The following ABCA1 variants were observed in gnomAD, a reference collection of about 807,000 sequenced individuals.
ABCA1 encodes the protein ATP binding cassette subfamily A member 1, also known as phospholipid-transporting ATPase ABCA1.
In ABCA1, 133 loss-of-function variants were observed where a neutral mutation model predicts 262.5. The observed-to-expected ratio is 0.51, with a 90% CI of 0.44 to 0.59. The LOEUF (loss-of-function observed/expected upper bound fraction) is 0.59. Among genes scored for constraint, ABCA1 ranks in the 20% least tolerant of loss-of-function variants. The probability of loss-of-function intolerance (pLI) is 0.00; values close to 1 mark genes in which losing one functional copy is unlikely to be tolerated. For missense variants in ABCA1, 2,452 were observed against 2,777.5 expected (o/e 0.88, Z 2.63); for synonymous variants, 1,022 against 1,043.5 (o/e 0.98, Z 0.40).
At chr9:104,899,239 G>A (rs751923533) in intron 2 of ABCA1, among the ~76,000 whole-genome samples, 11 of 152,168 alleles carry the variant, frequency 7.2e-5, no homozygotes, top group African/African-American at 9.7e-5. Flanking sequence ...CACTGCTGCC[G>A]GCCCAGGAGT....
chr9:104,822,946 C>T (rs1016349759), intron 18 of ABCA1, among the ~76,000 whole-genome samples: 3 of 151,690 alleles, frequency 2.0e-5, no homozygotes, highest in Non-Finnish European at 2.9e-5. Context: ...TTAAAAAATA[C>T]ATCTAAAAAT....
intron 9 of ABCA1, among the ~76,000 whole-genome samples, chr9:104,838,285 A>T: frequency 7.3e-6 from 1 of 137,894 alleles, no homozygotes; most frequent in Non-Finnish European, 1.6e-5. Context: ...CCCGGGCAAC[A>T]AGAGCGAAAC....
Position 104,865,883 on chromosome 9 carries a change from C to T in ABCA1, c.422-4083G>A, listed in dbSNP as rs961090875. Among the ~76,000 whole-genome samples the T allele has an allele frequency of 1.3e-5, 2 of 152,122 alleles. 1 individual carries two copies. Among genetic ancestry groups the T allele is most frequent in the South Asian group, 4.1e-4 (2 of 4,820 alleles). On this transcript the variant is annotated intron_variant, in intron 5 of 49. Coordinates refer to ENST00000374736, the MANE Select transcript of ABCA1 (RefSeq NM_005502.4). ...AAGATGGGGACACAGTCCCTGCCTT[C>T]GAGGAACTTTCAAGGCTGAAAGGGG...
At chr9:104,812,438 G>A in intron 28 of ABCA1, 136 bp downstream of exon 28, 1 of 1,157,144 alleles carries the variant, frequency 8.6e-7, no homozygotes, top group Non-Finnish European at 1.3e-6. Flanking sequence ...GCAAGGAATA[G>A]AACTGGGATT....
chr9:104,850,222 A>G (rs1400402390), intron 7 of ABCA1, among the ~76,000 whole-genome samples: 4 of 152,160 alleles, frequency 2.6e-5, no homozygotes, highest in African/African-American at 9.7e-5. Flanking sequence ...CCTGGGTTCA[A>G]GCAATTCTCC....
chr9:104,797,390 A>C (rs1349091225), intron 37 of ABCA1, among the ~76,000 whole-genome samples: 2 of 152,246 alleles, frequency 1.3e-5, no homozygotes, highest in Admixed American at 1.3e-4. Flanking sequence ...TTTCACAATC[A>C]TTTGTGTGAA....
In ABCA1 at chr9:104,818,808, T is replaced by C. The variant is rs1164745681; in HGVS notation, c.3317A>G (p.His1106Arg). Residue 1106 changes from histidine (H) to arginine (R), a missense_variant, in exon 23 of 50, where the codon CAT (histidine) becomes CGT (arginine). By Grantham distance (29) the His-to-Arg change is conservative. Coordinates refer to ENST00000374736, the MANE Select transcript of ABCA1 (RefSeq NM_005502.4). Reference sequence around the variant, plus strand: ...GGAGCCCACACAGCACAGCTTCCCATGGGAGATGATGGCAATCCTGTCCCC... The same window carrying C: ...GGAGCCCACACAGCACAGCTTCCCACGGGAGATGATGGCAATCCTGTCCCC... ...VLGDRIAIIS[H>R]GKLCCVGSSL... 1.2e-6 allele frequency: 2 copies of C among 1,613,936 alleles called. No individual in the cohort carries two copies. The highest frequency in any genetic ancestry group is 1.7e-6 in the Non-Finnish European group (2 of 1,180,036).
intron 1 of ABCA1, among the ~76,000 whole-genome samples, chr9:104,908,313 A>C (rs1841293995): frequency 6.6e-6 from 1 of 152,222 alleles, no homozygotes; most frequent in African/African-American, 2.4e-5. Flanking sequence ...TAGAAGCCTT[A>C]TACAGAATAG....
At chr9:104,865,720 A>C (rs530466460) in intron 5 of ABCA1, among the ~76,000 whole-genome samples, 15 of 152,316 alleles carry the variant, frequency 9.8e-5, no homozygotes, top group African/African-American at 3.6e-4. Flanking sequence ...AAGTGAAGGT[A>C]ATAGTATCCA....
intron 5 of ABCA1, among the ~76,000 whole-genome samples, chr9:104,867,255 T>C (rs1837179216): frequency 6.6e-6 from 1 of 152,130 alleles, no homozygotes; most frequent in Non-Finnish European, 1.5e-5. Flanking sequence ...GCTGAGTTGA[T>C]TAAATGATAA....
chr9:104,881,113 C>T (rs1488468971), intron 5 of ABCA1, among the ~76,000 whole-genome samples: 1 of 152,132 alleles, frequency 6.6e-6, no homozygotes, highest in East Asian at 1.9e-4. Context: ...TGCGCCACTG[C>T]ACTCCAGCCT....
In ABCA1 at chr9:104,784,546, T is replaced by A; in HGVS notation, c.6646-91A>T. On this transcript the variant is annotated intron_variant, in intron 49 of 49. Transcript: ENST00000374736. ...TATTTTTCCAGATGTTGAAATTAGG[T>A]CAAGTAGGAGCATACAGAATTACAT... The A allele has an allele frequency of 2.7e-6, 4 of 1,478,716 alleles. No individual in the cohort carries two copies. The South Asian group carries it at 3.5e-5, about 13-fold the overall frequency. The allele number at this position is 1,478,716 out of a possible 1,614,324, so 91.6% of individuals were successfully genotyped here.
At chr9:104,789,799 A>G (rs1345795323) in intron 44 of ABCA1, among the ~76,000 whole-genome samples, 2 of 152,172 alleles carry the variant, frequency 1.3e-5, no homozygotes, top group Admixed American at 6.5e-5. Context: ...TCTCCACATA[A>G]TAAGTCCAGA....
At chr9:104,912,322 C>A (rs532010735) in intron 1 of ABCA1, among the ~76,000 whole-genome samples, 9 of 152,132 alleles carry the variant, frequency 5.9e-5, no homozygotes, top group Non-Finnish European at 1.2e-4. Context: ...TCGCTTGAGC[C>A]CAGGAGTTTG....
In ABCA1 at chr9:104,827,260, T is replaced by C; in HGVS notation, c.2116-91A>G. 5 of 1,095,128 alleles carry C rather than the reference T, an allele frequency of 4.6e-6. No individual in the cohort carries two copies. The East Asian group carries it at 1.0e-4, about 22-fold the overall frequency. The allele number at this position is 1,095,128 out of a possible 1,614,324, so 67.8% of individuals were successfully genotyped here. A position where few individuals can be genotyped will look rare whatever the true frequency, so the allele number is the denominator to read the frequency against. On this transcript the variant is annotated intron_variant, in intron 15 of 49. Transcript: ENST00000374736. Reference sequence around the variant, plus strand: ...ACAGAAAAAAGACAGGGTTTATTCCTACTCATGTTAGAGACAATGCAGAGG... The same window carrying C: ...ACAGAAAAAAGACAGGGTTTATTCCCACTCATGTTAGAGACAATGCAGAGG...
chr9:104,806,275 C>A lies in ABCA1; in HGVS notation c.4430G>T (p.Cys1477Phe). 9 of 1,613,758 alleles carry A rather than the reference C, an allele frequency of 5.6e-6. No individual in the cohort carries two copies. The highest frequency in any genetic ancestry group is 7.6e-6 in the Non-Finnish European group (9 of 1,180,032). The change falls in exon 31 of 50, where the codon TGT (cysteine) becomes TTT (phenylalanine). Residue 1477 changes from cysteine to phenylalanine, a missense_variant. Coordinates refer to ENST00000374736, the MANE Select transcript of ABCA1 (RefSeq NM_005502.4). The part of the protein sequence containing the change: ...SDKIKKMLPV[C>F]PPGAGGLPPP... ...AGGCAGCCCCCCTGCCCCTGGGGGACACACAGGCAGCATCTTCTTGATTTT... is the reference window on the plus strand; with the variant it reads ...AGGCAGCCCCCCTGCCCCTGGGGGAAACACAGGCAGCATCTTCTTGATTTT...
intron 8 of ABCA1, 106 bp downstream of exon 8, chr9:104,845,371 C>T (rs1834770350): frequency 1.3e-6 from 1 of 763,258 alleles, no homozygotes; most frequent in Admixed American, 2.0e-5. Context: ...ATTGATATTA[C>T]ATCCCATGTG....
rs750788080 is a variant in ABCA1, at chr9:104,840,349, G to A, written c.984C>T (p.Asn328=). 3 of 1,614,186 alleles carry A rather than the reference G, an allele frequency of 1.9e-6. No homozygotes were observed. The highest frequency in any genetic ancestry group is 3.3e-5 in the Admixed American group (2 of 60,030). The change falls in exon 9 of 50, where the codon AAC becomes AAT. Residue 328 remains asparagine, a synonymous_variant. Coordinates refer to ENST00000374736, the MANE Select transcript of ABCA1 (RefSeq NM_005502.4). ...TGCCTCCAAAGAGGGCTTTGTAGTT[G>A]TTGTCCTCATACCAGTTGAGAGACT... The part of the protein sequence containing the change: ...KIKSLNWYED[N]NYKALFGGNG...
At position 104,818,942 on chromosome 9, in the gene ABCA1, A is replaced by G. The variant is rs539899580; in HGVS notation, c.3242-59T>C. On this transcript the variant is annotated intron_variant, in intron 22 of 49. Transcript: ENST00000374736. Reference sequence around the variant, plus strand: ...TGAGGCCTCTCAGTTCTGATTTGTCACAGTGACAGGGACTAGAGAGATATT... The same window carrying G: ...TGAGGCCTCTCAGTTCTGATTTGTCGCAGTGACAGGGACTAGAGAGATATT... 44 of 1,469,198 alleles carry G rather than the reference A, an allele frequency of 3.0e-5. No homozygotes were observed. The South Asian group carries it at 5.1e-4, about 17-fold the overall frequency. 91.0% of individuals were successfully genotyped at this position (1,469,198 alleles called of 1,614,324 possible).
Sources: gnomAD v4.1 joint callset for allele counts (sites outside exome capture counted in the v4.1 genomes callset) on GRCh38, gnomAD v4.1.1 for gene constraint, MANE v1.5 for transcripts, NCBI Gene and HGNC (gene_info 2026-07-23, HGNC 2026-07-21) for gene names.